The following ERN1 variants were observed in gnomAD, a reference collection of about 807,000 sequenced individuals.
ERN1 encodes endoplasmic reticulum to nucleus signaling 1, also known as serine/threonine-protein kinase/endoribonuclease IRE1.
In ERN1, 39 loss-of-function variants were observed where a neutral mutation model predicts 113.1. The ratio of observed to expected loss-of-function variants is 0.34; its 90% CI spans 0.27 to 0.45. The LOEUF is 0.45. Ranked by LOEUF, ERN1 falls within the 20% of genes least tolerant of loss-of-function variation. The pLI, the probability that ERN1 is intolerant of heterozygous loss-of-function variation, is 1.00. For synonymous variants in ERN1, 507 were observed against 515.9 expected, an observed-to-expected ratio of 0.98 and a Z score of 0.23; for missense variants, 976 against 1,274.8, an observed-to-expected ratio of 0.77 and a Z score of 3.57.
chr17:64,105,508 T>G (rs1914500760), intron 1 of ERN1, among the ~76,000 whole-genome samples: 1 of 152,238 alleles, frequency 6.6e-6, no homozygotes, highest in African/African-American at 2.4e-5. Context: ...ATCTGGCTAA[T>G]AATAAAAATT....
intron 2 of ERN1, among the ~76,000 whole-genome samples, chr17:64,090,538 A>G (rs145929995): frequency 6.6e-6 from 1 of 152,346 alleles, no homozygotes; most frequent in African/African-American, 2.4e-5. Context: ...GAGTGCCATC[A>G]AACCAGACAC....
At chr17:64,064,239 A>G (rs1913147171) in intron 9 of ERN1, 88 bp from the exon 10 acceptor site, 2 of 1,389,776 alleles carry the variant, frequency 1.4e-6, no homozygotes, top group Admixed American at 2.4e-5. Context: ...CTGAAAGGTG[A>G]GCAATTTCTA....
chr17:64,098,376 A>C (rs1207682537), intron 1 of ERN1, 135 bp from the exon 2 acceptor site: 9 of 1,149,532 alleles, frequency 7.8e-6, no homozygotes, highest in Non-Finnish European at 1.2e-5. Context: ...GAAGGTGGAG[A>C]GCCTAAATTC....
At position 64,060,058 on chromosome 17, in the gene ERN1, T is replaced by C. The variant is rs555297269; in HGVS notation, c.1206+411A>G. Among the ~76,000 whole-genome samples, 13 of 152,130 alleles carry C rather than the reference T, an allele frequency of 8.5e-5. No individual in the cohort carries two copies. The East Asian group carries it at 2.3e-3, about 27-fold the overall frequency. The stretch of plus-strand genomic sequence containing the variant: ...CTGTAACATGGTTCCTTTTTACCCA[T>C]GTGAGCCCATTTCCTACTACCCCCT... On this transcript the variant is annotated intron_variant, in intron 11 of 21. Coordinates refer to ENST00000433197, the MANE Select transcript of ERN1 (RefSeq NM_001433.5).
At chr17:64,124,286 C>T (rs963098651) in intron 1 of ERN1, among the ~76,000 whole-genome samples, 4 of 152,278 alleles carry the variant, frequency 2.6e-5, no homozygotes, top group East Asian at 1.9e-4. Context: ...TAAATGTCCA[C>T]GCAAAAATTT....
At position 64,084,393 on chromosome 17, in the gene ERN1, C is replaced by T. The variant is rs186029634; in HGVS notation, c.176-3585G>A. 1.9e-3 allele frequency among the ~76,000 whole-genome samples: 282 copies of T among 152,220 alleles called. 1 individual carries two copies. Among genetic ancestry groups the T allele is most frequent in the Non-Finnish European group, 3.2e-3 (221 of 68,016 alleles). The stretch of plus-strand genomic sequence containing the variant: ...CATAGGAACCCTTTGTCTCTCAAGC[C>T]TTCCCTCCTCTCTTAATCTGTGTGG... On this transcript the variant is annotated intron_variant, in intron 2 of 21. Coordinates refer to ENST00000433197, the MANE Select transcript of ERN1 (RefSeq NM_001433.5).
chr17:64,106,715 T>TACACACACACACACACACACAC (rs58544303), intron 1 of ERN1, among the ~76,000 whole-genome samples: 3 of 103,388 alleles, frequency 2.9e-5, no homozygotes, highest in Non-Finnish European at 5.8e-5. Flanking sequence ...CAGGGTTTCT[T>TACACACACACACACACACACAC]ACACACACAC....
At chr17:64,047,405 A>G (rs1912546257) in intron 19 of ERN1, among the ~76,000 whole-genome samples, 1 of 152,196 alleles carries the variant, frequency 6.6e-6, no homozygotes, top group African/African-American at 2.4e-5. Context: ...CACTTGAATG[A>G]AATTATATGA....
intron 12 of ERN1, among the ~76,000 whole-genome samples, chr17:64,057,135 C>A (rs1410460163): frequency 6.6e-6 from 1 of 152,084 alleles, no homozygotes; most frequent in Non-Finnish European, 1.5e-5. Flanking sequence ...TTTGGTTCTT[C>A]TCCCCAGCAG....
intron 1 of ERN1, chr17:64,129,047 T>A (rs1423154340): frequency 6.6e-6 from 1 of 151,770 alleles, no homozygotes; most frequent in East Asian, 1.9e-4. Flanking sequence ...CACGCTCACA[T>A]CCTGAACAAT....
chr17:64,046,372 ACCTGGAGAT>A (rs1912514460), intron 19 of ERN1, among the ~76,000 whole-genome samples: 1 of 152,180 alleles, frequency 6.6e-6, no homozygotes, highest in Non-Finnish European at 1.5e-5. Flanking sequence ...GAGACATATG[ACCTGGAGAT>A]ACTAAGCATT....
chr17:64,065,629 CCTCAGATGA>C (rs1174738390), intron 8 of ERN1, among the ~76,000 whole-genome samples: 24 of 152,132 alleles, frequency 1.6e-4, no homozygotes, highest in African/African-American at 5.8e-4. Context: ...CGCCGAGGCC[CCTCAGATGA>C]CTCTCTACAA....
At chr17:64,108,862 C>T (rs1031242999) in intron 1 of ERN1, among the ~76,000 whole-genome samples, 1 of 152,122 alleles carries the variant, frequency 6.6e-6, no homozygotes, top group Admixed American at 6.5e-5. Flanking sequence ...GTAGCTCATG[C>T]CTGTAATCCC....
At chr17:64,047,807 T>C (rs1421331583) in intron 19 of ERN1, 51 bp downstream of exon 19, 22 of 1,488,928 alleles carry the variant, frequency 1.5e-5, no homozygotes, top group African/African-American at 4.2e-5. Context: ...ATTTTCAAAA[T>C]CTGAAAAACA....
chr17:64,115,474 C>T (rs1009463745), intron 1 of ERN1, among the ~76,000 whole-genome samples: 1 of 152,176 alleles, frequency 6.6e-6, no homozygotes, highest in Non-Finnish European at 1.5e-5. Context: ...GAAAAAAAGA[C>T]GGCAAGTTCC....
intron 1 of ERN1, among the ~76,000 whole-genome samples, chr17:64,119,677 C>T (rs141568909): frequency 6.6e-6 from 1 of 151,948 alleles, no homozygotes; most frequent in Non-Finnish European, 1.5e-5. Context: ...CAGGCATGAG[C>T]CACCACGCCT....
chr17:64,086,229 T>C (rs1169796044), intron 2 of ERN1, among the ~76,000 whole-genome samples: 1 of 152,232 alleles, frequency 6.6e-6, no homozygotes, highest in Non-Finnish European at 1.5e-5. Flanking sequence ...CATGTAACTA[T>C]CTTCACCATC....
At chr17:64,113,876 G>A (rs947234390) in intron 1 of ERN1, among the ~76,000 whole-genome samples, 11 of 151,992 alleles carry the variant, frequency 7.2e-5, no homozygotes, top group African/African-American at 2.7e-4. Context: ...AGAGATGGGG[G>A]TTTCACCATC....
rs546118621 is a variant in ERN1, at chr17:64,077,397, G to A, written c.283-2150C>T. ...CCCACGTAACCGGCATCCAGGTGAA[G>A]AAACAGAAGCCCCCCTCCTCTCTTG... On this transcript the variant is annotated intron_variant, in intron 4 of 21. Coordinates refer to ENST00000433197, the MANE Select transcript of ERN1 (RefSeq NM_001433.5). 2.6e-5 allele frequency among the ~76,000 whole-genome samples: 4 copies of A among 152,272 alleles called. 1 individual carries two copies. The South Asian group carries it at 8.3e-4, about 32-fold the overall frequency.
Sources: gnomAD v4.1 joint callset for allele counts (sites outside exome capture counted in the v4.1 genomes callset) on GRCh38, gnomAD v4.1.1 for gene constraint, MANE v1.5 for transcripts, NCBI Gene and HGNC (gene_info 2026-07-23, HGNC 2026-07-21) for gene names.